The following SCUBE1 variants were observed in gnomAD, a reference collection of about 807,000 sequenced individuals.
SCUBE1 encodes signal peptide, CUB and EGF-like domain-containing protein 1.
Under a neutral mutation model 124.4 loss-of-function variants are expected in SCUBE1, and 59 were observed. The observed-to-expected ratio is 0.47, with a 90% CI of 0.38 to 0.59. The LOEUF is 0.59. SCUBE1 is among the 20% of genes least tolerant of loss of function. SCUBE1 has a pLI of 0.00. For missense variants in SCUBE1, 1,150 were observed against 1,371.2 expected (o/e 0.84, Z 2.55); for synonymous variants, 545 against 550.9 (o/e 0.99, Z 0.15).
At position 43,258,763 on chromosome 22, in the gene SCUBE1, G is replaced by A. The variant is rs576670915; in HGVS notation, c.611-428C>T. On this transcript the variant is annotated intron_variant, in intron 5 of 21. Transcript: ENST00000360835. The surrounding 1 kb of genome is among the most constrained non-coding windows in gnomAD (Gnocchi z 5.0). ...AGGGACATGGCGGCCCGTGGTTCCA[G>A]GTGACCCTCATTTCCTTAGTTCTGG... 1.1e-4 allele frequency among the ~76,000 whole-genome samples: 16 copies of A among 152,308 alleles called. No individual in the cohort carries two copies. Among genetic ancestry groups the A allele is most frequent in the Admixed American group, 4.6e-4 (7 of 15,298 alleles).
chr22:43,292,556 AACACACACACACACAC>A (rs3985926), intron 3 of SCUBE1, among the ~76,000 whole-genome samples: 2 of 139,600 alleles, frequency 1.4e-5, no homozygotes. Context: ...CCCGGTCCCT[AACACACACACACACAC>A]ACACACACAC....
In SCUBE1 at chr22:43,212,512, G is replaced by C. The variant is rs1300103942; in HGVS notation, c.2134C>G (p.Pro712Ala). The change falls in exon 17 of 22, where the codon CCC becomes GCC. Residue 712 changes from proline to alanine, a missense_variant. By Grantham distance (27) the Pro-to-Ala change is conservative (BLOSUM62 -1). Around this residue, in one of 3 missense-constraint regions of SCUBE1, gnomAD observed 757 missense variants for 840.9 expected, o/e 0.90. Transcript: ENST00000360835. Reference sequence around the variant, plus strand: ...CAGGGGAAGCAGCCGGTGCGCCCGGGCTCAGGCTGGTACGTGCCCACGGGG... The same window carrying C: ...CAGGGGAAGCAGCCGGTGCGCCCGGCCTCAGGCTGGTACGTGCCCACGGGG... ...ACPVGTYQPE[P>A]GRTGCFPCGG... is the part of the protein sequence containing the mutation. The C allele has an allele frequency of 1.9e-6, 3 of 1,558,488 alleles. No individual in the cohort carries two copies. The South Asian group carries it at 3.6e-5, about 18-fold the overall frequency.
At chr22:43,207,132 AGAG>A (rs1313302984) in intron 21 of SCUBE1, among the ~76,000 whole-genome samples, 1 of 152,158 alleles carries the variant, frequency 6.6e-6, no homozygotes, top group African/African-American at 2.4e-5. Flanking sequence ...GGAAGCAGGA[AGAG>A]GAGGGAGCCT....
intron 4 of SCUBE1, among the ~76,000 whole-genome samples, chr22:43,265,566 G>C (rs1312490644): frequency 6.6e-6 from 1 of 152,196 alleles, no homozygotes; most frequent in African/African-American, 2.4e-5. Flanking sequence ...CCTGCACGCT[G>C]CCTCTCACCC....
rs1569009414 is a variant in SCUBE1 at position 43,280,468 on chromosome 22, TCCC to T, written c.484+10575_484+10577del. Among the ~76,000 whole-genome samples the T allele has an allele frequency of 7.0e-3, 230 of 32,814 alleles. 10 individuals carry two copies. Among genetic ancestry groups the T allele is most frequent in the African/African-American group, 0.029 (114 of 3,930 alleles). 21.5% of individuals were successfully genotyped at this position (32,814 alleles called of 152,430 possible). On this transcript the variant is annotated intron_variant, in intron 4 of 21. Coordinates refer to ENST00000360835, the MANE Select transcript of SCUBE1 (RefSeq NM_173050.5). ...CCCTGTCCCTTCCCCTCACCCATCC[TCCC>T]GTCCCTTCCCCTCACCCATCCCCGT...
In SCUBE1 at chr22:43,210,355, C is replaced by G. The variant is rs1400004991; in HGVS notation, c.2384-115G>C. On this transcript the variant is annotated intron_variant, in intron 18 of 21. Coordinates refer to ENST00000360835, the MANE Select transcript of SCUBE1 (RefSeq NM_173050.5). The surrounding 1 kb of genome is among the most constrained non-coding windows in gnomAD (Gnocchi z 4.5). ...GCAGGGCTGGAAGGTGCTCTTGTCC[C>G]CCCCCACACTAGCCCTCGGACCCTG... 2 of 860,298 alleles carry G rather than the reference C, an allele frequency of 2.3e-6. No homozygotes were observed. Among genetic ancestry groups the G allele is most frequent in the East Asian group, 3.0e-5 (1 of 32,864 alleles). The allele number at this position is 860,298 out of a possible 1,614,324, so 53.3% of individuals were successfully genotyped here.
At chr22:43,299,288 T>C (rs1925681030) in intron 3 of SCUBE1, among the ~76,000 whole-genome samples, 1 of 152,086 alleles carries the variant, frequency 6.6e-6, no homozygotes, top group Admixed American at 6.5e-5. Context: ...CCGCTGCTCA[T>C]GGCCTCAGGG....
rs138448992 is a variant in SCUBE1 at position 43,244,274 on chromosome 22, C to T, written c.728-5320G>A. 2.0e-4 allele frequency among the ~76,000 whole-genome samples: 31 copies of T among 152,308 alleles called. No homozygotes were observed. In the East Asian group the frequency reaches 2.9e-3, roughly 14 times the overall value. Reference sequence around the variant, plus strand: ...ACACAGCAGGCCCCACCTGCCTCCCCGAAAGCTGTCCCGAGCCTTACCCTG... The same window carrying T: ...ACACAGCAGGCCCCACCTGCCTCCCTGAAAGCTGTCCCGAGCCTTACCCTG... On this transcript the variant is annotated intron_variant, in intron 6 of 21. Transcript: ENST00000360835.
At chr22:43,302,406 C>T (rs571284225) in intron 3 of SCUBE1, among the ~76,000 whole-genome samples, 130 of 152,232 alleles carry the variant, frequency 8.5e-4, no homozygotes, top group African/African-American at 2.8e-3. Context: ...CAGTGGGATC[C>T]CCTACCGAAC....
intron 1 of SCUBE1, among the ~76,000 whole-genome samples, chr22:43,340,355 T>C (rs1452378235): frequency 1.3e-5 from 2 of 152,058 alleles, no homozygotes; most frequent in East Asian, 3.9e-4. Flanking sequence ...CTCCCGACAC[T>C]CTCTACCTCC....
chr22:43,200,407 T>G lies in SCUBE1; in HGVS notation c.*3590A>C, dbSNP rs1341918934. 1 of 152,368 alleles carries G rather than the reference T, an allele frequency of 6.6e-6. No individual in the cohort carries two copies. The highest frequency in any genetic ancestry group is 6.5e-5 in the Admixed American group (1 of 15,286). 9.4% of individuals were successfully genotyped at this position (152,368 alleles called of 1,614,324 possible). On this transcript the variant is annotated 3_prime_UTR_variant, in exon 22 of 22. Transcript: ENST00000360835. ...CCATTTTTTCTTGGGCCTCGTTACG[T>G]GGATCCGTCCTACCTGGCCCAGTCC...
At chr22:43,325,700 C>A (rs1926704233) in intron 2 of SCUBE1, among the ~76,000 whole-genome samples, 1 of 152,024 alleles carries the variant, frequency 6.6e-6, no homozygotes, top group Non-Finnish European at 1.5e-5. Context: ...CCTGTTCCTT[C>A]CCCTGCTTGG....
intron 7 of SCUBE1, 187 bp from the exon 8 acceptor site, chr22:43,232,062 T>G (rs1601815216): frequency 4.9e-6 from 3 of 613,816 alleles, no homozygotes; most frequent in Non-Finnish European, 5.8e-6. Flanking sequence ...GGGGTCAGGG[T>G]CGGGGCTGGG....
At chr22:43,298,509 G>A (rs960491475) in intron 3 of SCUBE1, among the ~76,000 whole-genome samples, 1 of 152,200 alleles carries the variant, frequency 6.6e-6, no homozygotes, top group Non-Finnish European at 1.5e-5. Flanking sequence ...CCAGCCCAGG[G>A]AAGGCAGAGG....
At chr22:43,328,966 C>T (rs142168808) in intron 2 of SCUBE1, among the ~76,000 whole-genome samples, 1 of 152,346 alleles carries the variant, frequency 6.6e-6, no homozygotes, top group East Asian at 1.9e-4. Flanking sequence ...ACATTTGAAC[C>T]TGGGCAGGCT....
At chr22:43,310,364 C>G (rs1359099919) in intron 3 of SCUBE1, among the ~76,000 whole-genome samples, 3 of 152,232 alleles carry the variant, frequency 2.0e-5, no homozygotes, top group Non-Finnish European at 4.4e-5. Context: ...GCTAGACTGT[C>G]AAACTGCCAA....
chr22:43,315,207 A>T lies in SCUBE1; in HGVS notation c.349+4730T>A, dbSNP rs1926303451. Among the ~76,000 whole-genome samples the T allele has an allele frequency of 4.6e-5, 7 of 152,126 alleles. No homozygotes were observed. The South Asian group carries it at 1.2e-3, about 27-fold the overall frequency. On this transcript the variant is annotated intron_variant, in intron 3 of 21. Transcript: ENST00000360835. ...ACCTGCACAGAATTTACATCTGTACACAAGCTCTGCACAATCTCCTTTCAG... is the reference window on the plus strand; with the variant it reads ...ACCTGCACAGAATTTACATCTGTACTCAAGCTCTGCACAATCTCCTTTCAG...
intron 1 of SCUBE1, among the ~76,000 whole-genome samples, 185 bp downstream of exon 1, chr22:43,342,989 C>T (rs977789024): frequency 6.6e-6 from 1 of 151,418 alleles, no homozygotes; most frequent in African/African-American, 2.4e-5. Context: ...TCAGGAGCCC[C>T]GGCCGCCCGG....
intron 2 of SCUBE1, among the ~76,000 whole-genome samples, chr22:43,333,116 G>T (rs1242075272): frequency 6.6e-6 from 1 of 152,196 alleles, no homozygotes; most frequent in African/African-American, 2.4e-5. Context: ...TGGACCTGGG[G>T]TGAGCTGCAA....
Sources: allele counts gnomAD v4.1 joint callset (sites outside exome capture counted in the v4.1 genomes callset), GRCh38; gene constraint gnomAD v4.1.1; regional missense constraint gnomAD v4.1.1; non-coding constraint Gnocchi (gnomAD v3.1); transcripts MANE v1.5; gene names NCBI Gene and HGNC (gene_info 2026-07-23, HGNC 2026-07-21).